The following NEK7 variants were observed in gnomAD, a reference collection of about 807,000 sequenced individuals.
NEK7 encodes the protein NIMA related kinase 7, also known as serine/threonine-protein kinase Nek7.
Under a neutral mutation model 44.6 loss-of-function variants are expected in NEK7, and 18 were observed. The ratio of observed to expected loss-of-function variants is 0.40; its 90% CI spans 0.28 to 0.60. The LOEUF (loss-of-function observed/expected upper bound fraction) is 0.60. NEK7 is among the 20% of genes least tolerant of loss of function. The probability of loss-of-function intolerance (pLI) is 0.38; values close to 1 mark genes in which losing one functional copy is unlikely to be tolerated. For missense variants in NEK7, 256 were observed against 366.5 expected, an observed-to-expected ratio of 0.70 and a Z score of 2.46; for synonymous variants, 130 against 121.1, an observed-to-expected ratio of 1.07 and a Z score of -0.48.
At chr1:198,184,356 T>C (rs979100293) in intron 1 of NEK7, among the ~76,000 whole-genome samples, 1 of 152,312 alleles carries the variant, frequency 6.6e-6, no homozygotes, top group African/African-American at 2.4e-5. Flanking sequence ...CTAAATATTA[T>C]CTCTTCAGTT....
chr1:198,319,678 C>A lies in NEK7; in HGVS notation c.*156C>A. ...CATATAAGCTTCATTTTGTACCAGT[C>A]ACCTAAATCACCTCCTTGCAACCCC... On this transcript the variant is annotated 3_prime_UTR_variant, in exon 10 of 10. Coordinates refer to ENST00000367385, the MANE Select transcript of NEK7 (RefSeq NM_133494.3). 1 of 750,992 alleles carries A rather than the reference C, an allele frequency of 1.3e-6. No homozygotes were observed. Among genetic ancestry groups the A allele is most frequent in the Non-Finnish European group, 1.9e-6 (1 of 531,122 alleles). The allele number at this position is 750,992 out of a possible 1,614,324, so 46.5% of individuals were successfully genotyped here. A position where few individuals can be genotyped will look rare whatever the true frequency, so the allele number is the denominator to read the frequency against.
intron 1 of NEK7, among the ~76,000 whole-genome samples, chr1:198,191,391 A>G (rs1665069061): frequency 6.6e-6 from 1 of 151,870 alleles, no homozygotes; most frequent in South Asian, 2.1e-4. Context: ...TTTAATTTGC[A>G]TCTCCCTGAT....
chr1:198,242,828 A>ATTT (rs1213860437), intron 2 of NEK7, among the ~76,000 whole-genome samples: 7 of 141,426 alleles, frequency 4.9e-5, no homozygotes, highest in African/African-American at 1.8e-4. Context: ...TTTGTATTTA[A>ATTT]TTTTTTTTTT....
At chr1:198,294,301 C>T (rs760860256) in intron 8 of NEK7, among the ~76,000 whole-genome samples, 11 of 151,846 alleles carry the variant, frequency 7.2e-5, no homozygotes, top group Non-Finnish European at 1.3e-4. Flanking sequence ...CAAGAAATTA[C>T]GCTCACTGTG....
At chr1:198,289,738 A>G (rs1654489597) in intron 7 of NEK7, among the ~76,000 whole-genome samples, 2 of 152,182 alleles carry the variant, frequency 1.3e-5, no homozygotes, top group Non-Finnish European at 2.9e-5. Context: ...TCTGATGAAA[A>G]TTATCAATTT....
At chr1:198,253,216 T>G (rs1260825706) in intron 3 of NEK7, 36 bp downstream of exon 3, 2 of 1,384,342 alleles carry the variant, frequency 1.4e-6, no homozygotes, top group Non-Finnish European at 2.0e-6. Flanking sequence ...CAATGTAAAA[T>G]TATACTATGT....
At chr1:198,247,716 C>T (rs1246317757) in intron 2 of NEK7, among the ~76,000 whole-genome samples, 2 of 146,948 alleles carry the variant, frequency 1.4e-5, no homozygotes, top group East Asian at 3.9e-4. Flanking sequence ...ATTATTGCTT[C>T]TTTTTTTTTT....
chr1:198,264,989 G>A (rs1163950202), intron 5 of NEK7, among the ~76,000 whole-genome samples: 2 of 151,990 alleles, frequency 1.3e-5, no homozygotes, highest in African/African-American at 4.8e-5. Context: ...ATCTGCTGCT[G>A]CTATTATTAT....
At chr1:198,242,586 C>T (rs544235727) in intron 2 of NEK7, among the ~76,000 whole-genome samples, 10 of 150,916 alleles carry the variant, frequency 6.6e-5, no homozygotes, top group South Asian at 4.2e-4. Flanking sequence ...CTCAGCCTCC[C>T]GAGTAGCTGT....
At chr1:198,179,847 A>G (rs551593590) in intron 1 of NEK7, among the ~76,000 whole-genome samples, 28 of 152,148 alleles carry the variant, frequency 1.8e-4, no homozygotes, top group Admixed American at 5.9e-4. Flanking sequence ...GTGTGCAGAC[A>G]CGTGTGTGTA....
At chr1:198,240,514 AG>A (rs1201272063) in intron 2 of NEK7, among the ~76,000 whole-genome samples, 2 of 150,432 alleles carry the variant, frequency 1.3e-5, no homozygotes, top group African/African-American at 2.5e-5. Flanking sequence ...AAAAAAAAAA[AG>A]AAATATGCTT....
intron 9 of NEK7, among the ~76,000 whole-genome samples, chr1:198,302,950 T>A (rs1475332654): frequency 6.6e-6 from 1 of 152,208 alleles, no homozygotes; most frequent in Non-Finnish European, 1.5e-5. Context: ...TCATGATTTT[T>A]ACTCTTAGAC....
intron 1 of NEK7, among the ~76,000 whole-genome samples, chr1:198,164,297 T>C (rs1664200674): frequency 6.6e-6 from 1 of 152,208 alleles, no homozygotes; most frequent in African/African-American, 2.4e-5. Context: ...TCTTCTGTGA[T>C]CAGAAGTCCA....
rs1459440964 is a variant in NEK7, at chr1:198,321,871, A to C, written c.*2349A>C. The C allele has an allele frequency of 6.6e-6, 1 of 152,124 alleles. No individual in the cohort carries two copies. The highest frequency in any genetic ancestry group is 1.5e-5 in the Non-Finnish European group (1 of 67,956). 9.4% of individuals were successfully genotyped at this position (152,124 alleles called of 1,614,324 possible). On this transcript the variant is annotated 3_prime_UTR_variant, in exon 10 of 10. Transcript: ENST00000367385. ...TTGATTAAGTTAAACTTTTGAATTG[A>C]TTTGAGGAGCAGTAAAATGAAAGCT... is the stretch of plus-strand genomic sequence containing the variant.
chr1:198,206,122 T>C (rs1665591760), intron 1 of NEK7, among the ~76,000 whole-genome samples: 1 of 152,166 alleles, frequency 6.6e-6, no homozygotes, highest in Non-Finnish European at 1.5e-5. Context: ...TCTATTAATA[T>C]GGCCTACTGG....
At chr1:198,295,298 C>T (rs1187556449) in intron 8 of NEK7, among the ~76,000 whole-genome samples, 1 of 152,120 alleles carries the variant, frequency 6.6e-6, no homozygotes, top group South Asian at 2.1e-4. Context: ...AGAGCTGCCA[C>T]CAGCCCCGAA....
chr1:198,204,277 A>G (rs1665524600), intron 1 of NEK7, among the ~76,000 whole-genome samples: 1 of 152,158 alleles, frequency 6.6e-6, no homozygotes, highest in Non-Finnish European at 1.5e-5. Context: ...TAATACAAAA[A>G]TAAAAAATAA....
intron 5 of NEK7, among the ~76,000 whole-genome samples, chr1:198,272,635 A>G (rs1360542952): frequency 6.6e-6 from 1 of 151,836 alleles, no homozygotes; most frequent in East Asian, 1.9e-4. Flanking sequence ...ATCTCACTTT[A>G]TCTATCACTA....
At chr1:198,262,785 G>A in intron 4 of NEK7, 148 bp downstream of exon 4, 1 of 404,234 alleles carries the variant, frequency 2.5e-6, no homozygotes, top group East Asian at 3.7e-5. Flanking sequence ...TCAGTATACT[G>A]AAGAATGTAG....
Sources: gnomAD v4.1 joint callset for allele counts (sites outside exome capture counted in the v4.1 genomes callset) on GRCh38, gnomAD v4.1.1 for gene constraint, MANE v1.5 for transcripts, NCBI Gene and HGNC (gene_info 2026-07-23, HGNC 2026-07-21) for gene names.